UGGT2: variants seen among roughly 807,000 people sequenced by gnomAD.
UGGT2 encodes the protein UDP-glucose:glycoprotein glucosyltransferase 2.
UGGT2 carries 180 observed loss-of-function variants against 192.1 expected under a neutral mutation model. That is an observed-to-expected ratio of 0.94 (90% CI 0.83 to 1.06). The LOEUF (loss-of-function observed/expected upper bound fraction) is 1.06. UGGT2 is among the 50% of genes least tolerant of loss of function. The probability of loss-of-function intolerance (pLI) is 0.00; values close to 1 mark genes in which losing one functional copy is unlikely to be tolerated. For synonymous variants in UGGT2, 580 were observed against 591.0 expected, an observed-to-expected ratio of 0.98 and a Z score of 0.27; for missense variants, 1,849 against 1,795.7, an observed-to-expected ratio of 1.03 and a Z score of -0.54.
chr13:95,936,479 T>TGGGCAAGATGGGCA (rs1341889786), intron 17 of UGGT2, among the ~76,000 whole-genome samples: 1 of 152,162 alleles, frequency 6.6e-6, no homozygotes, highest in African/African-American at 2.4e-5. Context: ...TCAGACATGG[T>TGGGCAAGATGGGCA]GGGCAAGATG....
At chr13:95,987,458 T>C (rs147728011) in intron 8 of UGGT2, among the ~76,000 whole-genome samples, 2 of 152,262 alleles carry the variant, frequency 1.3e-5, no homozygotes, top group East Asian at 3.9e-4. Context: ...CCATCACTTA[T>C]ACTTTTCTAA....
At chr13:95,946,385 C>T (rs1435141543) in intron 15 of UGGT2, among the ~76,000 whole-genome samples, 1 of 152,060 alleles carries the variant, frequency 6.6e-6, no homozygotes, top group East Asian at 1.9e-4. Context: ...TTTTGTTTTT[C>T]CATGAGACAG....
chr13:95,974,002 A>G (rs531810245), intron 10 of UGGT2, among the ~76,000 whole-genome samples: 7 of 152,346 alleles, frequency 4.6e-5, no homozygotes, highest in African/African-American at 1.4e-4. Context: ...GATAAGTCAC[A>G]TAATAGGGAC....
chr13:95,935,011 G>A (rs1448240958), intron 17 of UGGT2, among the ~76,000 whole-genome samples: 3 of 152,136 alleles, frequency 2.0e-5, no homozygotes, highest in Non-Finnish European at 4.4e-5. Flanking sequence ...ATTATCTATT[G>A]TTGGTTTCAA....
chr13:95,884,445 T>C (rs373922466), intron 27 of UGGT2, 46 bp downstream of exon 27: 25 of 1,440,588 alleles, frequency 1.7e-5, no homozygotes, highest in Middle Eastern at 1.8e-4. Flanking sequence ...CTGATAAGAA[T>C]TTATCCTGTT....
chr13:95,909,260 C>A (rs1348298239), intron 20 of UGGT2, among the ~76,000 whole-genome samples: 5 of 151,976 alleles, frequency 3.3e-5, no homozygotes, highest in Admixed American at 2.6e-4. Flanking sequence ...GGGTATATAC[C>A]CAAAGGACTA....
chr13:95,938,435 TA>T (rs1348047829), intron 16 of UGGT2, among the ~76,000 whole-genome samples: 2 of 152,206 alleles, frequency 1.3e-5, no homozygotes, highest in Non-Finnish European at 2.9e-5. Context: ...CAAGTACTAC[TA>T]TTACATCAAT....
chr13:95,825,152 C>G (rs1230345980), intron 38 of UGGT2, among the ~76,000 whole-genome samples: 1 of 152,086 alleles, frequency 6.6e-6, no homozygotes, highest in African/African-American at 2.4e-5. Context: ...TGGCAGAGGT[C>G]TCTTGAAGCT....
intron 8 of UGGT2, among the ~76,000 whole-genome samples, chr13:95,987,866 C>A (rs886668171): frequency 6.6e-6 from 1 of 152,082 alleles, no homozygotes; most frequent in Non-Finnish European, 1.5e-5. Flanking sequence ...CTGCTCCGGG[C>A]CCCCAAAAGG....
chr13:95,949,014 A>G (rs1334299124), intron 13 of UGGT2, among the ~76,000 whole-genome samples: 2 of 152,206 alleles, frequency 1.3e-5, no homozygotes, highest in Non-Finnish European at 2.9e-5. Flanking sequence ...CACTATGTGA[A>G]GAAGCACGTT....
intron 36 of UGGT2, among the ~76,000 whole-genome samples, chr13:95,852,587 A>C (rs1440268071): frequency 6.6e-6 from 1 of 152,240 alleles, no homozygotes; most frequent in Non-Finnish European, 1.5e-5. Flanking sequence ...CTGAAGTCTT[A>C]GGAGAATATC....
chr13:95,807,816 G>A (rs9590331), intron 38 of UGGT2, among the ~76,000 whole-genome samples: 42,519 of 149,446 alleles, frequency 0.28, 8,345 homozygotes, highest in African/African-American at 0.56. Context: ...CATCTGGGCA[G>A]TTTTCTCCAG....
intron 9 of UGGT2, 86 bp from the exon 10 acceptor site, chr13:95,983,950 A>G: frequency 3.5e-6 from 3 of 853,870 alleles, no homozygotes; most frequent in Non-Finnish European, 5.0e-6. Flanking sequence ...AATACTTTGG[A>G]TAAGAAGCTA....
intron 4 of UGGT2, among the ~76,000 whole-genome samples, chr13:96,019,049 T>A (rs370257310): frequency 4.0e-5 from 5 of 126,122 alleles, no homozygotes; most frequent in African/African-American, 1.5e-4. Flanking sequence ...ATTGATAAGA[T>A]ATCACAAACC....
At chr13:95,804,729 G>A (rs1002858865) in intron 38 of UGGT2, among the ~76,000 whole-genome samples, 2 of 147,018 alleles carry the variant, frequency 1.4e-5, no homozygotes, top group African/African-American at 2.5e-5. Context: ...TGGGCAAACT[G>A]GATATCTACA....
chr13:95,953,014 T>C, intron 12 of UGGT2, among the ~76,000 whole-genome samples: 1 of 152,348 alleles, frequency 6.6e-6, no homozygotes. Context: ...TACTTTAAGT[T>C]TTTTAAATTT....
chr13:96,043,409 A>T (rs1018560431), intron 1 of UGGT2, among the ~76,000 whole-genome samples: 3 of 152,192 alleles, frequency 2.0e-5, no homozygotes, highest in Non-Finnish European at 4.4e-5. Context: ...ATCAAAACAG[A>T]ACCTCTTTAA....
intron 1 of UGGT2, among the ~76,000 whole-genome samples, chr13:96,036,855 AGCGATCCTCCCACT>A (rs2053018738): frequency 6.6e-6 from 1 of 151,420 alleles, no homozygotes; most frequent in Non-Finnish European, 1.5e-5. Context: ...GGAGGTCTCA[AGCGATCCTCCCACT>A]GCAGCCACTT....
intron 7 of UGGT2, 163 bp downstream of exon 7, chr13:95,995,900 A>G: frequency 1.6e-6 from 1 of 615,282 alleles, no homozygotes; most frequent in South Asian, 1.9e-5. Context: ...TTTTGACATT[A>G]GCCATGTGTT....
Sources: allele counts gnomAD v4.1 joint callset (sites outside exome capture counted in the v4.1 genomes callset), GRCh38; gene constraint gnomAD v4.1.1; transcripts MANE v1.5; gene names NCBI Gene and HGNC (gene_info 2026-07-23, HGNC 2026-07-21).